The following ACTG2 variants were observed in gnomAD, a reference collection of about 807,000 sequenced individuals.
ACTG2 encodes the protein actin, gamma-enteric smooth muscle.
Under a neutral mutation model 37.6 loss-of-function variants are expected in ACTG2, and 16 were observed. That is an observed-to-expected ratio of 0.43 (90% CI 0.29 to 0.65). ACTG2 has a LOEUF of 0.65. Among genes scored for constraint, ACTG2 ranks in the 30% least tolerant of loss-of-function variants. ACTG2 has a pLI of 0.18. For missense variants in ACTG2, 238 were observed against 490.9 expected (o/e 0.48, Z 4.87); for synonymous variants, 181 against 179.9 (o/e 1.01, Z -0.05).
rs1366480931 is a variant in ACTG2, at chr2:73,919,497, C to T, written c.1053C>T (p.Ser351=). The T allele has an allele frequency of 6.2e-7, 1 of 1,614,180 alleles. No individual in the cohort carries two copies. Among genetic ancestry groups the T allele is most frequent in the Admixed American group, 1.7e-5 (1 of 60,030 alleles). Residue 351 remains serine (S), a synonymous_variant, in exon 9 of 9, where the codon TCC becomes TCT. Coordinates refer to ENST00000345517, the MANE Select transcript of ACTG2 (RefSeq NM_001615.4). ...WIGGSILASL[S]TFQQMWISKP... is the part of the protein sequence containing the mutation. ...GGGGCTCTATCCTGGCCTCTCTCTCCACCTTCCAGCAGATGTGGATCAGCA... is the reference window on the plus strand; with the variant it reads ...GGGGCTCTATCCTGGCCTCTCTCTCTACCTTCCAGCAGATGTGGATCAGCA...
In ACTG2 at chr2:73,901,385, A is replaced by T. The variant is rs753224642; in HGVS notation, c.74A>T (p.Asp25Val). 1 of 1,614,134 alleles carries T rather than the reference A, an allele frequency of 6.2e-7. No homozygotes were observed. Among genetic ancestry groups the T allele is most frequent in the South Asian group, 1.1e-5 (1 of 91,064 alleles). Reference sequence around the variant, plus strand: ...CTGTGCAAGGCAGGCTTCGCAGGAGATGATGCCCCCCGGGCTGTCTTCCCC... The same window carrying T: ...CTGTGCAAGGCAGGCTTCGCAGGAGTTGATGCCCCCCGGGCTGTCTTCCCC... ...SGLCKAGFAGDDAPRAVFPSI... is the reference protein window; with the variant it reads ...SGLCKAGFAGVDAPRAVFPSI... Residue 25 changes from aspartate to valine, a missense_variant, in exon 2 of 9, where the codon GAT (aspartate) becomes GTT (valine). Asp to Val is a radical substitution (Grantham distance 152). Coordinates refer to ENST00000345517, the MANE Select transcript of ACTG2 (RefSeq NM_001615.4).
At chr2:73,908,306 T>C (rs750367266) in intron 3 of ACTG2, 5 of 473,888 alleles carry the variant, frequency 1.1e-5, no homozygotes, top group South Asian at 7.7e-5. Flanking sequence ...GCAGGAATCT[T>C]CTATCAGCCA....
At chr2:73,905,830 A>G (rs1680004094) in intron 3 of ACTG2, among the ~76,000 whole-genome samples, 1 of 152,138 alleles carries the variant, frequency 6.6e-6, no homozygotes, top group Non-Finnish European at 1.5e-5. Context: ...AAAGATAACT[A>G]TCATAGGATT....
intron 1 of ACTG2, among the ~76,000 whole-genome samples, chr2:73,899,826 G>A (rs1679839151): frequency 6.6e-6 from 1 of 152,178 alleles, no homozygotes; most frequent in South Asian, 2.1e-4. Context: ...GGCTATGGGA[G>A]ACATAAGGAT....
In ACTG2 at chr2:73,909,280, A is replaced by C. The variant is rs141555710; in HGVS notation, c.451+141A>C. The C allele has an allele frequency of 3.3e-4, 236 of 708,918 alleles. 1 individual carries two copies. Among genetic ancestry groups the C allele is most frequent in the African/African-American group, 3.0e-3 (168 of 56,480 alleles). 43.9% of individuals were successfully genotyped at this position (708,918 alleles called of 1,614,324 possible). A position where few individuals can be genotyped will look rare whatever the true frequency, so the allele number is the denominator to read the frequency against. ...ATCTTTCTTAGGGATAATAGGTGAG[A>C]ATGCCCATGTGGAATGCCAGATGTG... On this transcript the variant is annotated intron_variant, in intron 5 of 8. Transcript: ENST00000345517.
At chr2:73,898,809 T>C (rs1468280566) in intron 1 of ACTG2, among the ~76,000 whole-genome samples, 2 of 144,638 alleles carry the variant, frequency 1.4e-5, no homozygotes, top group East Asian at 2.0e-4. Context: ...TTTCTTTTTT[T>C]TTTTTTTTTT....
chr2:73,894,190 C>T (rs932506909), intron 1 of ACTG2, among the ~76,000 whole-genome samples: 3 of 152,050 alleles, frequency 2.0e-5, no homozygotes, highest in Non-Finnish European at 2.9e-5. Context: ...TCCAGTAGGC[C>T]GAGATATGGC....
chr2:73,916,532 G>A, intron 7 of ACTG2, 52 bp from the exon 8 acceptor site: 5 of 1,527,514 alleles, frequency 3.3e-6, no homozygotes, highest in Non-Finnish European at 4.5e-6. Flanking sequence ...AGCTGGAGGT[G>A]TGCATATTTA....
chr2:73,904,777 GTATATATATA>G (rs199782884), intron 3 of ACTG2, among the ~76,000 whole-genome samples: 48 of 42,614 alleles, frequency 1.1e-3, no homozygotes, highest in East Asian at 3.4e-3. Context: ...GTGTGTGTGT[GTATATATATA>G]TATATATATA....
chr2:73,908,784 G>A lies in ACTG2; in HGVS notation c.366+1G>A, dbSNP rs113143228. Reference sequence around the variant, plus strand: ...GGCCAACAGGGAAAAGATGACCCAGGTAAGAAGCCAGGAAGACTTGAACAC... The same window carrying A: ...GGCCAACAGGGAAAAGATGACCCAGATAAGAAGCCAGGAAGACTTGAACAC... On this transcript the variant is annotated splice_donor_variant, in intron 4 of 8. Coordinates refer to ENST00000345517, the MANE Select transcript of ACTG2 (RefSeq NM_001615.4). LOFTEE classifies it high-confidence loss of function. 6.2e-7 allele frequency: 1 copy of A among 1,606,356 alleles called. No homozygotes were observed.
chr2:73,915,387 G>A (rs77943387), intron 7 of ACTG2, among the ~76,000 whole-genome samples: 12,711 of 151,718 alleles, frequency 0.084, 1,586 homozygotes, highest in African/African-American at 0.27. Context: ...GGGCATGGTG[G>A]TGCATGCCCA....
intron 3 of ACTG2, among the ~76,000 whole-genome samples, chr2:73,904,046 G>A (rs573060919): frequency 2.0e-5 from 3 of 151,170 alleles, no homozygotes; most frequent in African/African-American, 7.3e-5. Flanking sequence ...ATAGCTTGAG[G>A]CCAGCCTGGG....
rs1428201704 is a variant in ACTG2, at chr2:73,902,407, G to A, written c.174G>A (p.Glu58=). ...AGAAAGACAGCTATGTGGGGGATGA[G>A]GCTCAGAGCAAGCGAGGGATCCTAA... ...MGQKDSYVGD[E]AQSKRGILTL... The change falls in exon 3 of 9, where the codon GAG becomes GAA. Residue 58 remains glutamate, a synonymous_variant. Transcript: ENST00000345517. 2 of 1,614,034 alleles carry A rather than the reference G, an allele frequency of 1.2e-6. No individual in the cohort carries two copies. Among genetic ancestry groups the A allele is most frequent in the Middle Eastern group, 1.6e-4 (1 of 6,062 alleles).
chr2:73,911,425 A>G (rs1680137508), intron 5 of ACTG2, among the ~76,000 whole-genome samples: 2 of 152,062 alleles, frequency 1.3e-5, no homozygotes, highest in South Asian at 4.2e-4. Flanking sequence ...GGAGCCCAGG[A>G]GGCAGAGGCT....
At position 73,919,583 on chromosome 2, in the gene ACTG2, A is replaced by G. The variant is rs111474892; in HGVS notation, c.*8A>G. 3.4e-3 allele frequency: 5,454 copies of G among 1,613,486 alleles called. 181 individuals are homozygous for G. In the African/African-American group the frequency reaches 0.065, roughly 19 times the overall value. ...CACAGGAAGTGCTTCTAAAGTCAGA[A>G]CAGGTTCTCCAAGGATCCCCTCGAG... On this transcript the variant is annotated 3_prime_UTR_variant, in exon 9 of 9. Transcript: ENST00000345517.
intron 3 of ACTG2, among the ~76,000 whole-genome samples, chr2:73,907,876 T>C (rs757631371): frequency 1.2e-4 from 19 of 152,142 alleles, no homozygotes; most frequent in Non-Finnish European, 2.5e-4. Flanking sequence ...AGAGCTGCGA[T>C]TGAGAAACCC....
rs1680340693 is a variant in ACTG2, at chr2:73,919,786, G to A, written c.*211G>A. ...ATCATTATACCCATATTACAGATGA[G>A]GAAATTGAGGCTCAGAGAAGTCAAG... is the stretch of plus-strand genomic sequence containing the variant. On this transcript the variant is annotated 3_prime_UTR_variant, in exon 9 of 9. Coordinates refer to ENST00000345517, the MANE Select transcript of ACTG2 (RefSeq NM_001615.4). The A allele has an allele frequency of 4.7e-6, 2 of 422,872 alleles. No homozygotes were observed. The highest frequency in any genetic ancestry group is 2.0e-5 in the African/African-American group (1 of 48,964). The allele number at this position is 422,872 out of a possible 1,614,324, so 26.2% of individuals were successfully genotyped here. A position where few individuals can be genotyped will look rare whatever the true frequency, so the allele number is the denominator to read the frequency against.
At chr2:73,910,071 T>G (rs1441477670) in intron 5 of ACTG2, among the ~76,000 whole-genome samples, 1 of 151,848 alleles carries the variant, frequency 6.6e-6, no homozygotes, top group Non-Finnish European at 1.5e-5. Context: ...AAAAATTAGT[T>G]GGACGTGGTG....
chr2:73,902,868 T>C (rs969620571), intron 3 of ACTG2: 2 of 1,159,458 alleles, frequency 1.7e-6, no homozygotes, highest in South Asian at 1.6e-5. Flanking sequence ...GACCTTTCCC[T>C]GCCTGATCCC....
Sources: allele counts gnomAD v4.1 joint callset (sites outside exome capture counted in the v4.1 genomes callset), GRCh38; gene constraint gnomAD v4.1.1; transcripts MANE v1.5; gene names NCBI Gene and HGNC (gene_info 2026-07-23, HGNC 2026-07-21).